MPDZ: variants seen among roughly 807,000 people sequenced by gnomAD.
The protein encoded by MPDZ is multiple PDZ domain crumbs cell polarity complex component.
Under a neutral mutation model 239.1 loss-of-function variants are expected in MPDZ, and 234 were observed. That is an observed-to-expected ratio of 0.98 (90% CI 0.88 to 1.09). The LOEUF (loss-of-function observed/expected upper bound fraction) is 1.09, where lower values mean the gene tolerates loss of function less well. Among genes scored for constraint, MPDZ ranks in the 50% least tolerant of loss-of-function variants. MPDZ has a pLI of 0.00. For missense variants in MPDZ, 3,175 were observed against 2,510.0 expected (o/e 1.26, Z -5.66); for synonymous variants, 1,048 against 881.3 (o/e 1.19, Z -3.35).
In MPDZ at chr9:13,250,192, T is replaced by C. The variant is rs553455454; in HGVS notation, c.16+108A>G. On this transcript the variant is annotated intron_variant, in intron 2 of 46. Coordinates refer to ENST00000319217, the MANE Select transcript of MPDZ (RefSeq NM_001378778.1). ...CTAGTAGGTAAAAACTTTTTAAATCTAGATACCATAGACAGAATCCTGCTA... is the reference window on the plus strand; with the variant it reads ...CTAGTAGGTAAAAACTTTTTAAATCCAGATACCATAGACAGAATCCTGCTA... 14 of 1,030,624 alleles carry C rather than the reference T, an allele frequency of 1.4e-5. No homozygotes were observed. In the East Asian group the frequency reaches 3.7e-4, roughly 27 times the overall value. 63.8% of individuals were successfully genotyped at this position (1,030,624 alleles called of 1,614,324 possible). A position where few individuals can be genotyped will look rare whatever the true frequency, so the allele number is the denominator to read the frequency against.
chr9:13,246,689 C>T (rs1218997659), intron 3 of MPDZ, among the ~76,000 whole-genome samples: 1 of 152,076 alleles, frequency 6.6e-6, no homozygotes, highest in African/African-American at 2.4e-5. Flanking sequence ...TGTTCTTTTG[C>T]ATTAGCCACA....
At chr9:13,239,283 CA>C (rs547535268) in intron 3 of MPDZ, among the ~76,000 whole-genome samples, 8 of 152,022 alleles carry the variant, frequency 5.3e-5, no homozygotes, top group Non-Finnish European at 1.0e-4. Flanking sequence ...GAAAATAAAA[CA>C]AAAAATATGG....
chr9:13,223,596 T>A lies in MPDZ; in HGVS notation c.508A>T (p.Ile170Leu). Residue 170 changes from isoleucine (I) to leucine (L), a missense_variant, in exon 5 of 47, where the codon ATA becomes TTA. Physicochemically the swap from Ile to Leu is conservative, Grantham distance 5 (BLOSUM62 2). Coordinates refer to ENST00000319217, the MANE Select transcript of MPDZ (RefSeq NM_001378778.1). ...RGELGIFVQE[I>L]QEGSVAHRDG... is the part of the protein sequence containing the mutation. ...CTATGGGCCACACTGCCCTCTTGTA[T>A]CTCTTGAACAAATATTCCCAGCTCT... 6.2e-7 allele frequency: 1 copy of A among 1,612,160 alleles called. No homozygotes were observed. The highest frequency in any genetic ancestry group is 1.1e-5 in the South Asian group (1 of 90,988).
intron 7 of MPDZ, among the ~76,000 whole-genome samples, chr9:13,220,287 G>A (rs1958933694): frequency 6.6e-6 from 1 of 151,910 alleles, no homozygotes; most frequent in Admixed American, 6.6e-5. Context: ...AAGATGTGAG[G>A]AGTGAAAAGC....
intron 3 of MPDZ, among the ~76,000 whole-genome samples, chr9:13,242,895 C>T (rs1011498689): frequency 3.3e-5 from 5 of 152,162 alleles, no homozygotes; most frequent in Non-Finnish European, 7.4e-5. Flanking sequence ...CTGTCAGTAG[C>T]AGCTCCCGTA....
chr9:13,277,525 G>C (rs905591895), intron 1 of MPDZ, among the ~76,000 whole-genome samples: 3 of 152,022 alleles, frequency 2.0e-5, no homozygotes, highest in Non-Finnish European at 4.4e-5. Flanking sequence ...AGAAGATCAA[G>C]TCAAGGAACG....
intron 22 of MPDZ, among the ~76,000 whole-genome samples, chr9:13,163,410 C>G (rs1950690196): frequency 1.3e-5 from 2 of 152,084 alleles, no homozygotes; most frequent in African/African-American, 4.8e-5. Flanking sequence ...TCACTTTGGT[C>G]TCAAAGAAAA....
chr9:13,248,693 C>T (rs953870857), intron 2 of MPDZ, among the ~76,000 whole-genome samples: 4 of 151,456 alleles, frequency 2.6e-5, no homozygotes, highest in African/African-American at 9.7e-5. Context: ...ATCAGTGGGG[C>T]GCGGTGGCTC....
chr9:13,147,144 T>G (rs1348229364), intron 26 of MPDZ, among the ~76,000 whole-genome samples: 1 of 152,010 alleles, frequency 6.6e-6, no homozygotes, highest in Non-Finnish European at 1.5e-5. Context: ...TAGGAGATTC[T>G]GTCTAGAGAA....
At chr9:13,179,766 T>C (rs976045341) in intron 19 of MPDZ, among the ~76,000 whole-genome samples, 35 of 152,182 alleles carry the variant, frequency 2.3e-4, no homozygotes, top group African/African-American at 8.4e-4. Context: ...AATATACTTT[T>C]TAAAAGTTCT....
At chr9:13,225,779 G>A (rs746077871) in intron 3 of MPDZ, among the ~76,000 whole-genome samples, 21 of 152,020 alleles carry the variant, frequency 1.4e-4, no homozygotes, top group Non-Finnish European at 2.6e-4. Context: ...GCACAAGGAT[G>A]AAATCACCTA....
At chr9:13,219,495 C>T in intron 8 of MPDZ, 64 bp downstream of exon 8, 1 of 1,409,056 alleles carries the variant, frequency 7.1e-7, no homozygotes, top group Non-Finnish European at 9.8e-7. Flanking sequence ...TCTAAGTAAA[C>T]ATCACTGTCG....
intron 1 of MPDZ, chr9:13,274,441 A>G (rs1281907428): frequency 1.3e-5 from 2 of 152,120 alleles, no homozygotes; most frequent in African/African-American, 2.4e-5. Flanking sequence ...GTGGATAAAG[A>G]TAAGAATTCC....
intron 1 of MPDZ, among the ~76,000 whole-genome samples, chr9:13,265,686 T>G (rs1178031883): frequency 6.6e-6 from 1 of 152,192 alleles, no homozygotes; most frequent in Non-Finnish European, 1.5e-5. Flanking sequence ...GAGGTGATAG[T>G]ACAAAACATG....
At position 13,109,018 on chromosome 9, in the gene MPDZ, T is replaced by G. The variant is rs959253415; in HGVS notation, c.5984A>C (p.Asp1995Ala). Residue 1995 changes from aspartate (D) to alanine (A), a missense_variant, in exon 46 of 47, where the codon GAT (aspartate) becomes GCT (alanine). Asp to Ala is a moderately radical substitution (Grantham distance 126). Transcript: ENST00000319217. ...CKSITLERGP[D>A]GLGFSIVGGY... ...TCCAACTATACTGAAGCCTAAGCCA[T>G]CTGGTCCTCGCTCTAGTGTAATAGA... 1.2e-5 allele frequency: 19 copies of G among 1,591,928 alleles called. No homozygotes were observed. Among genetic ancestry groups the G allele is most frequent in the Non-Finnish European group, 1.5e-5 (18 of 1,167,730 alleles).
At chr9:13,112,968 C>T (rs763272827) in intron 42 of MPDZ, 43 bp downstream of exon 42, 1 of 1,531,306 alleles carries the variant, frequency 6.5e-7, no homozygotes, top group Non-Finnish European at 8.9e-7. Flanking sequence ...GAAGATGTCT[C>T]TTAAAACGCC....
At chr9:13,155,422 AAT>A (rs1301174926) in intron 24 of MPDZ, among the ~76,000 whole-genome samples, 3 of 152,152 alleles carry the variant, frequency 2.0e-5, no homozygotes, top group Non-Finnish European at 4.4e-5. Context: ...TTAACTATCT[AAT>A]ATGAATCTGA....
intron 46 of MPDZ, among the ~76,000 whole-genome samples, chr9:13,107,497 G>C (rs1043508512): frequency 2.0e-5 from 3 of 152,144 alleles, no homozygotes; most frequent in African/African-American, 7.2e-5. Context: ...GAAGGTAAAG[G>C]ATTAGGTAGG....
chr9:13,175,531 T>C (rs1159597754), intron 21 of MPDZ, among the ~76,000 whole-genome samples: 1 of 152,174 alleles, frequency 6.6e-6, no homozygotes, highest in East Asian at 1.9e-4. Flanking sequence ...GGCTTGTGAA[T>C]ACTCTGAATT....
Sources: gnomAD v4.1 joint callset for allele counts (sites outside exome capture counted in the v4.1 genomes callset) on GRCh38, gnomAD v4.1.1 for gene constraint, MANE v1.5 for transcripts, NCBI Gene and HGNC (gene_info 2026-07-23, HGNC 2026-07-21) for gene names.